The following PTOV1 variants were observed in gnomAD, a reference collection of about 807,000 sequenced individuals.
The protein encoded by PTOV1 is prostate tumor-overexpressed gene 1 protein.
A neutral mutation model predicts 58.0 loss-of-function variants in PTOV1; 20 were observed. The observed-to-expected ratio is 0.34, with a 90% CI of 0.24 to 0.50. The LOEUF is 0.50. Among genes scored for constraint, PTOV1 ranks in the 20% least tolerant of loss-of-function variants. The probability of loss-of-function intolerance (pLI) is 0.98; values close to 1 mark genes in which losing one functional copy is unlikely to be tolerated. For synonymous variants in PTOV1, 335 were observed against 234.2 expected, an observed-to-expected ratio of 1.43 and a Z score of -3.93; for missense variants, 593 against 565.4, an observed-to-expected ratio of 1.05 and a Z score of -0.50.
intron 9 of PTOV1, 154 bp from the exon 10 acceptor site, chr19:49,858,395 G>C (rs1445414951): frequency 5.6e-6 from 4 of 708,068 alleles, no homozygotes; most frequent in Non-Finnish European, 9.5e-6. Context: ...GCACTCCAGG[G>C]TTGGGCTGGT....
At chr19:49,851,140 G>C, upstream of PTOV1, 1 of 1,317,264 alleles carries the variant, frequency 7.6e-7, no homozygotes, top group Non-Finnish European at 9.6e-7. Context: ...GGTACGCGCC[G>C]GGCTCCCCCG....
At position 49,856,580 on chromosome 19, in the gene PTOV1, C is replaced by T. The variant is rs562894484; in HGVS notation, c.559-395C>T. 4 of 219,132 alleles carry T rather than the reference C, an allele frequency of 1.8e-5. No individual in the cohort carries two copies. In the East Asian group the frequency reaches 4.7e-4, roughly 26 times the overall value. 13.6% of individuals were successfully genotyped at this position (219,132 alleles called of 1,614,324 possible). On this transcript the variant is annotated intron_variant, in intron 5 of 11. Coordinates refer to ENST00000391842, the Ensembl canonical transcript of PTOV1. ...TTTACAGATGATGGAGGCCCAGAAG[C>T]AGGAGGTGGCTGGTGTTAGGTCACA...
At chr19:49,859,829 T>C in intron 10 of PTOV1, 157 bp from the exon 11 acceptor site, 3 of 752,586 alleles carry the variant, frequency 4.0e-6, no homozygotes, top group African/African-American at 1.7e-5. Context: ...CACCGTGTCA[T>C]CCCAATAAGG....
At chr19:49,858,413 T>C (rs2074578495) in intron 9 of PTOV1, 136 bp from the exon 10 acceptor site, 1 of 734,006 alleles carries the variant, frequency 1.4e-6, no homozygotes, top group East Asian at 2.7e-5. Flanking sequence ...GGTTGAGCGG[T>C]GGAGATGACG....
exon 12 of PTOV1, chr19:49,860,678 C>T (rs1188279371): frequency 5.2e-6 from 2 of 386,852 alleles, no homozygotes; most frequent in East Asian, 4.7e-5. Flanking sequence ...AGGATGGTGT[C>T]CTGAGGCCTC....
chr19:49,855,941 G>A (rs2074443183), intron 5 of PTOV1, among the ~76,000 whole-genome samples: 1 of 152,104 alleles, frequency 6.6e-6, no homozygotes, highest in South Asian at 2.1e-4. Flanking sequence ...TGCTGGAGAG[G>A]AGGCAGGGGT....
In PTOV1 at chr19:49,860,194, C is replaced by G. The variant is rs759696299; in HGVS notation, c.1239+11C>G. ...CAACAGCAACGAGGGGTGAGGTGGC[C>G]GGCCTCCAGGGCTGCTCAGTCTCCC... On this transcript the variant is annotated intron_variant, in intron 11 of 11. Transcript: ENST00000391842. 1 of 1,613,904 alleles carries G rather than the reference C, an allele frequency of 6.2e-7. No homozygotes were observed. Among genetic ancestry groups the G allele is most frequent in the Non-Finnish European group, 8.5e-7 (1 of 1,179,964 alleles).
At chr19:49,857,918 C>A in exon 8 of PTOV1, 1 of 1,613,840 alleles carries the variant, frequency 6.2e-7, no homozygotes. Flanking sequence ...GGCCTGAGCC[C>A]AACAGTCGGT....
chr19:49,851,236 C>G (rs1010633075), exon 1 of PTOV1: 9 of 1,133,728 alleles, frequency 7.9e-6, no homozygotes, highest in Non-Finnish European at 9.7e-6. Flanking sequence ...TCCCCCGAAG[C>G]CGCGCGCCCG....
chr19:49,855,278 G>A, intron 5 of PTOV1: 1 of 593,642 alleles, frequency 1.7e-6, no homozygotes. Flanking sequence ...AGCCTGAGAG[G>A]CCTCCAGTTT....
exon 10 of PTOV1, chr19:49,858,570 C>A (rs775515238): frequency 6.2e-7 from 1 of 1,603,216 alleles, no homozygotes; most frequent in South Asian, 1.1e-5. Context: ...GCCGCTGTTC[C>A]GGAACTCGCG....
intron 1 of PTOV1, chr19:49,852,083 CA>C (rs2074276014): frequency 3.0e-6 from 3 of 985,018 alleles, no homozygotes; most frequent in South Asian, 9.4e-5. Context: ...TTGGGCTGCA[CA>C]CGCTTCTCCG....
exon 12 of PTOV1, chr19:49,860,321 G>GC (rs779809681): frequency 8.1e-6 from 11 of 1,361,328 alleles, no homozygotes; most frequent in African/African-American, 1.5e-5. Flanking sequence ...CACAGATGAG[G>GC]CCCCCGCAGA....
At chr19:49,858,463 C>G (rs1226353304) in intron 9 of PTOV1, 86 bp from the exon 10 acceptor site, 4 of 1,113,128 alleles carry the variant, frequency 3.6e-6, no homozygotes, top group Non-Finnish European at 5.2e-6. Context: ...TCAGTTTGGT[C>G]CTGGGCCCGG....
At chr19:49,857,460 G>C (rs1041435887) in intron 6 of PTOV1, 10 of 611,524 alleles carry the variant, frequency 1.6e-5, no homozygotes, top group Non-Finnish European at 2.9e-5. Context: ...AGTTGAGGCA[G>C]ACTCTGCAGG....
chr19:49,858,479 TCAG>T, intron 9 of PTOV1, 67 bp from the exon 10 acceptor site: 1 of 1,298,414 alleles, frequency 7.7e-7, no homozygotes, highest in Admixed American at 2.0e-5. Context: ...CCCGGGGGAC[TCAG>T]CGGGCTGGGA....
At chr19:49,851,642 C>A in intron 1 of PTOV1, 143 bp downstream of exon 1, 53 of 1,098,568 alleles carry the variant, frequency 4.8e-5, no homozygotes, top group Non-Finnish European at 6.0e-5. Flanking sequence ...GGGCCGGGTT[C>A]CCCCGTGGAG....
intron 1 of PTOV1, 72 bp from the exon 2 acceptor site, chr19:49,854,334 G>A: frequency 1.3e-6 from 2 of 1,541,088 alleles, no homozygotes; most frequent in Non-Finnish European, 1.8e-6. Flanking sequence ...GTCCCCTCTG[G>A]GGTGTGTGGG....
chr19:49,854,496 C>T (rs1455185497), exon 2 of PTOV1: 13 of 1,613,132 alleles, frequency 8.1e-6, no homozygotes, highest in Non-Finnish European at 1.1e-5. Context: ...CGAGCACCGG[C>T]TCAGCAACAA....
Sources: gnomAD v4.1 joint callset for allele counts (sites outside exome capture counted in the v4.1 genomes callset) on GRCh38, gnomAD v4.1.1 for gene constraint, MANE v1.5 for transcripts, NCBI Gene and HGNC (gene_info 2026-07-23, HGNC 2026-07-21) for gene names.